RALGAPB: variants seen among roughly 807,000 people sequenced by gnomAD.
RALGAPB encodes Ral GTPase activating protein non-catalytic subunit beta.
A neutral mutation model predicts 161.1 loss-of-function variants in RALGAPB; 25 were observed. The observed-to-expected ratio is 0.16, with a 90% confidence interval of 0.11 to 0.22. The LOEUF (loss-of-function observed/expected upper bound fraction) is 0.22. Ranked by LOEUF, RALGAPB falls within the 10% of genes least tolerant of loss-of-function variation. The pLI, the probability that RALGAPB is intolerant of heterozygous loss-of-function variation, is 1.00. For missense variants in RALGAPB, 1,391 were observed against 1,815.2 expected, an observed-to-expected ratio of 0.77 and a Z score of 4.25; for synonymous variants, 629 against 626.1, an observed-to-expected ratio of 1.00 and a Z score of -0.07.
chr20:38,514,489 C>T (rs958256053), intron 6 of RALGAPB, among the ~76,000 whole-genome samples: 2 of 152,150 alleles, frequency 1.3e-5, no homozygotes, highest in African/African-American at 4.8e-5. Context: ...ATCTGGATAC[C>T]TCCTTTAGGA....
At chr20:38,522,904 C>G (rs564933810) in intron 10 of RALGAPB, among the ~76,000 whole-genome samples, 4 of 152,298 alleles carry the variant, frequency 2.6e-5, no homozygotes, top group Admixed American at 6.5e-5. Context: ...TTATTCCTCT[C>G]TCTTTCTCTG....
At chr20:38,528,633 T>G (rs944951560) in intron 13 of RALGAPB, among the ~76,000 whole-genome samples, 1 of 152,076 alleles carries the variant, frequency 6.6e-6, no homozygotes, top group Non-Finnish European at 1.5e-5. Context: ...CCTCCCAAAA[T>G]GCTGGGATTA....
At position 38,532,771 on chromosome 20, in the gene RALGAPB, T is replaced by C. The variant is rs1439711620; in HGVS notation, c.2157T>C (p.Asn719=). ...ENNLKSHSRT[N]SGISSASGGS... ...ACCTGAAGAGTCATAGTCGCACCAA[T>C]AGTGGTATTAGTTCAGCAAGTGGTG... is the stretch of plus-strand genomic sequence containing the variant. The change falls in exon 15 of 30, where the codon AAT becomes AAC. Residue 719 remains asparagine, a synonymous_variant. Coordinates refer to ENST00000262879, the MANE Select transcript of RALGAPB (RefSeq NM_020336.4). The C allele has an allele frequency of 9.3e-6, 15 of 1,613,816 alleles. No homozygotes were observed. Among genetic ancestry groups the C allele is most frequent in the Non-Finnish European group, 1.2e-5 (14 of 1,179,736 alleles).
At chr20:38,507,454 C>T (rs1005583644) in intron 5 of RALGAPB, among the ~76,000 whole-genome samples, 1 of 152,014 alleles carries the variant, frequency 6.6e-6, no homozygotes, top group Non-Finnish European at 1.5e-5. Context: ...CTCATAGCAG[C>T]CTCAACCTCC....
At position 38,535,070 on chromosome 20, in the gene RALGAPB, C is replaced by T; in HGVS notation, c.2246-4C>T. On this transcript the variant is annotated splice_polypyrimidine_tract_variant and splice_region_variant and intron_variant, in intron 15 of 29. Transcript: ENST00000262879. ...TGGGATGTGGCATTGGGGTTATATCCTAGCTCTTAATACAGATTCAGCTGC... is the reference window on the plus strand; with the variant it reads ...TGGGATGTGGCATTGGGGTTATATCTTAGCTCTTAATACAGATTCAGCTGC... 9.3e-6 allele frequency: 15 copies of T among 1,613,708 alleles called. No homozygotes were observed. The highest frequency in any genetic ancestry group is 1.3e-5 in the Non-Finnish European group (15 of 1,179,668).
chr20:38,547,777 C>T (rs1298855386), intron 19 of RALGAPB: 3 of 152,216 alleles, frequency 2.0e-5, no homozygotes, highest in Non-Finnish European at 4.4e-5. Flanking sequence ...CTACAGGCAT[C>T]TCATCCTTCT....
rs780507332 is a variant in RALGAPB at position 38,576,322 on chromosome 20, A to G, written c.*1355A>G. 1.3e-5 allele frequency: 2 copies of G among 152,686 alleles called. No individual in the cohort carries two copies. The highest frequency in any genetic ancestry group is 2.9e-5 in the Non-Finnish European group (2 of 68,056). 9.5% of individuals were successfully genotyped at this position (152,686 alleles called of 1,614,324 possible). A position where few individuals can be genotyped will look rare whatever the true frequency, so the allele number is the denominator to read the frequency against. On this transcript the variant is annotated 3_prime_UTR_variant, in exon 30 of 30. Coordinates refer to ENST00000262879, the MANE Select transcript of RALGAPB (RefSeq NM_020336.4). ...GGGGTGTTTTCCCACTTGAACTCTG[A>G]TGTCAGTCGACTGTGGGTCAGAGCT...
chr20:38,565,386 C>T lies in RALGAPB; in HGVS notation c.3725C>T (p.Ala1242Val), dbSNP rs1008883494. The T allele has an allele frequency of 6.2e-7, 1 of 1,613,518 alleles. No individual in the cohort carries two copies. Among genetic ancestry groups the T allele is most frequent in the Non-Finnish European group, 8.5e-7 (1 of 1,179,618 alleles). ...QEVISSEDIG[A>V]SIFNGQKKVL... ...GTGATTTCCTCTGAAGATATTGGAG[C>T]TAGCATTTTCAATGGACAGAAGAAG... Residue 1242 changes from alanine (A) to valine (V), a missense_variant, in exon 25 of 30, where the codon GCT (alanine) becomes GTT (valine). Physicochemically the swap from Ala to Val is moderately conservative, Grantham distance 64. This residue lies in a region of RALGAPB where 436 missense variants were observed against 527.0 expected (regional missense o/e 0.83). Transcript: ENST00000262879.
chr20:38,558,354 A>G lies in RALGAPB; in HGVS notation c.3432A>G (p.Gly1144=), dbSNP rs1393488476. The G allele has an allele frequency of 1.9e-6, 3 of 1,607,306 alleles. No individual in the cohort carries two copies. The highest frequency in any genetic ancestry group is 2.6e-6 in the Non-Finnish European group (3 of 1,176,130). Reference sequence around the variant, plus strand: ...TTGCACTTGATTCCACGATACCTGGATTTTTTGATGACATTGGGTATCTGG... The same window carrying G: ...TTGCACTTGATTCCACGATACCTGGGTTTTTTGATGACATTGGGTATCTGG... ...HLIALDSTIP[G]FFDDIGYLDL... is the part of the protein sequence containing the mutation. The change falls in exon 23 of 30, where the codon GGA becomes GGG. Residue 1144 remains glycine (G), a synonymous_variant. Transcript: ENST00000262879.
At chr20:38,519,604 A>G (rs2086230924) in intron 9 of RALGAPB, among the ~76,000 whole-genome samples, 1 of 152,182 alleles carries the variant, frequency 6.6e-6, no homozygotes, top group Non-Finnish European at 1.5e-5. Flanking sequence ...ACTTCAAATC[A>G]TACGTGAACA....
chr20:38,488,281 T>G (rs890726277), intron 1 of RALGAPB, 122 bp from the exon 2 acceptor site: 199 of 603,298 alleles, frequency 3.3e-4, no homozygotes, highest in Non-Finnish European at 3.8e-4. Flanking sequence ...TTGAAAAACA[T>G]TGATAGAGGC....
chr20:38,474,184 A>G (rs553578307), intron 1 of RALGAPB, among the ~76,000 whole-genome samples: 53 of 152,272 alleles, frequency 3.5e-4, no homozygotes, highest in Non-Finnish European at 6.2e-4. Flanking sequence ...GGTCGTTTTT[A>G]CATATGCTGG....
At chr20:38,563,135 G>A (rs16987392) in intron 24 of RALGAPB, among the ~76,000 whole-genome samples, 11,082 of 152,104 alleles carry the variant, frequency 0.073, 1,393 homozygotes, top group African/African-American at 0.25. Context: ...GGGTAACTTA[G>A]TAACAGTTTA....
chr20:38,542,492 A>T (rs976037730), intron 18 of RALGAPB, among the ~76,000 whole-genome samples: 48 of 141,882 alleles, frequency 3.4e-4, no homozygotes, highest in African/African-American at 1.1e-3. Flanking sequence ...CTAGAAAATT[A>T]AAAAAAAATG....
intron 21 of RALGAPB, among the ~76,000 whole-genome samples, chr20:38,552,643 A>G (rs187216856): frequency 1.5e-3 from 224 of 152,240 alleles, no homozygotes; most frequent in African/African-American, 5.3e-3. Flanking sequence ...AGAAGGAGAG[A>G]GTAGGTGAAG....
At chr20:38,561,759 C>T (rs9941744) in intron 23 of RALGAPB, among the ~76,000 whole-genome samples, 11,102 of 152,122 alleles carry the variant, frequency 0.073, 1,410 homozygotes, top group African/African-American at 0.25. Context: ...TTCTTTGTTA[C>T]GGGGGCTATC....
rs1042317151 is a variant in RALGAPB, at chr20:38,576,679, A to G, written c.*1712A>G. ...GGAGAGGGCATATAGGATAAAGATG[A>G]GCAAATTCTACCCTAAAAATGTTCT... On this transcript the variant is annotated 3_prime_UTR_variant, in exon 30 of 30. Coordinates refer to ENST00000262879, the MANE Select transcript of RALGAPB (RefSeq NM_020336.4). The G allele has an allele frequency of 6.6e-6, 1 of 152,582 alleles. No individual in the cohort carries two copies. Among genetic ancestry groups the G allele is most frequent in the Non-Finnish European group, 1.5e-5 (1 of 68,044 alleles). The allele number at this position is 152,582 out of a possible 1,614,324, so 9.5% of individuals were successfully genotyped here. A position where few individuals can be genotyped will look rare whatever the true frequency, so the allele number is the denominator to read the frequency against.
chr20:38,505,122 T>C (rs748693865), intron 5 of RALGAPB, among the ~76,000 whole-genome samples: 16 of 152,322 alleles, frequency 1.1e-4, no homozygotes, highest in Non-Finnish European at 1.6e-4. Flanking sequence ...AAAAGACACA[T>C]GCACTTTTAT....
chr20:38,548,506 G>A (rs1219740622), intron 19 of RALGAPB, among the ~76,000 whole-genome samples, 183 bp from the exon 20 acceptor site: 1 of 152,200 alleles, frequency 6.6e-6, no homozygotes. Flanking sequence ...TTGATACAAA[G>A]TAATAGTACT....
Sources: allele counts gnomAD v4.1 joint callset (sites outside exome capture counted in the v4.1 genomes callset), GRCh38; gene constraint gnomAD v4.1.1; regional missense constraint gnomAD v4.1.1; transcripts MANE v1.5; gene names NCBI Gene and HGNC (gene_info 2026-07-23, HGNC 2026-07-21).